Variants in RASEF observed in about 807,000 individuals in gnomAD.
RASEF encodes RAS and EF-hand domain containing, also known as ras and EF-hand domain-containing protein.
Under a neutral mutation model 90.1 loss-of-function variants are expected in RASEF, and 68 were observed. That is an observed-to-expected ratio of 0.75 (90% CI 0.62 to 0.92). The LOEUF is 0.92. Among genes scored for constraint, RASEF ranks in the 40% least tolerant of loss-of-function variants. The probability of loss-of-function intolerance (pLI) is 0.00; values close to 1 mark genes in which losing one functional copy is unlikely to be tolerated. For synonymous variants in RASEF, 331 were observed against 345.2 expected, an observed-to-expected ratio of 0.96 and a Z score of 0.46; for missense variants, 949 against 937.2, an observed-to-expected ratio of 1.01 and a Z score of -0.16.
intron 1 of RASEF, among the ~76,000 whole-genome samples, chr9:83,057,816 C>CATATTCATATATACAT (rs1306470689): frequency 2.1e-5 from 3 of 143,402 alleles, no homozygotes; most frequent in Non-Finnish European, 4.5e-5. Context: ...TCCATATATA[C>CATATTCATATATACAT]ATATTCATAT....
the RASEF span, among the ~76,000 whole-genome samples, chr9:83,098,192 A>G: frequency 6.6e-6 from 1 of 152,210 alleles, no homozygotes; most frequent in Non-Finnish European, 1.5e-5. Context: ...GAGACTTGAT[A>G]ATACTAGCCA....
chr9:83,026,740 C>T (rs895369159), intron 1 of RASEF, among the ~76,000 whole-genome samples: 3 of 152,156 alleles, frequency 2.0e-5, no homozygotes, highest in Non-Finnish European at 4.4e-5. Flanking sequence ...TATAAATTCA[C>T]ATTTTTATAT....
intron 4 of RASEF, among the ~76,000 whole-genome samples, chr9:83,015,165 C>A (rs947667144): frequency 6.6e-6 from 1 of 152,066 alleles, no homozygotes; most frequent in Non-Finnish European, 1.5e-5. Flanking sequence ...TTGCAATAAG[C>A]TAGGGGTAGG....
chr9:83,126,203 G>A, the RASEF span, among the ~76,000 whole-genome samples: 4 of 152,118 alleles, frequency 2.6e-5, no homozygotes, highest in Non-Finnish European at 5.9e-5. Context: ...GTACTAGGAG[G>A]TAGAGTTTTT....
At chr9:83,195,755 A>G in the RASEF span, among the ~76,000 whole-genome samples, 2 of 151,896 alleles carry the variant, frequency 1.3e-5, no homozygotes, top group African/African-American at 2.4e-5. Flanking sequence ...CAGAGGTGGT[A>G]AGGGCTGAAT....
the RASEF span, among the ~76,000 whole-genome samples, chr9:83,135,333 A>G: frequency 6.6e-6 from 1 of 151,806 alleles, no homozygotes; most frequent in African/African-American, 2.4e-5. Context: ...AACAGCACAC[A>G]CCGGGGCCTG....
the RASEF span, among the ~76,000 whole-genome samples, chr9:83,154,411 C>G: frequency 2.6e-5 from 4 of 152,290 alleles, 1 homozygote; most frequent in African/African-American, 9.6e-5. Flanking sequence ...AAAGTACCAT[C>G]CACAGTCCTT....
intron 1 of RASEF, among the ~76,000 whole-genome samples, chr9:83,056,062 A>G (rs1830096494): frequency 6.6e-6 from 1 of 152,240 alleles, no homozygotes; most frequent in Non-Finnish European, 1.5e-5. Context: ...AACTAGAGAA[A>G]GAATCAAAGA....
At chr9:83,190,352 T>C in the RASEF span, among the ~76,000 whole-genome samples, 2 of 152,206 alleles carry the variant, frequency 1.3e-5, no homozygotes, top group African/African-American at 4.8e-5. Flanking sequence ...TAAAATATAT[T>C]TGTAAATCAT....
the RASEF span, among the ~76,000 whole-genome samples, chr9:83,101,605 T>G: frequency 6.6e-6 from 1 of 152,192 alleles, no homozygotes; most frequent in African/African-American, 2.4e-5. Flanking sequence ...AATGATTCAA[T>G]GAATGGATAA....
At chr9:83,080,734 A>G in the RASEF span, among the ~76,000 whole-genome samples, 3 of 152,180 alleles carry the variant, frequency 2.0e-5, no homozygotes, top group African/African-American at 7.2e-5. Context: ...ACTATCCATA[A>G]GTACTGAAAT....
chr9:82,987,604 C>G (rs1176714162), intron 16 of RASEF, among the ~76,000 whole-genome samples: 1 of 146,840 alleles, frequency 6.8e-6, no homozygotes, highest in South Asian at 2.4e-4. Flanking sequence ...CCTCTCCCAT[C>G]TTTATGACAT....
chr9:83,101,767 T>C, the RASEF span, among the ~76,000 whole-genome samples: 1 of 152,318 alleles, frequency 6.6e-6, no homozygotes, highest in African/African-American at 2.4e-5. Flanking sequence ...TCTTGCTACA[T>C]TTTCATCTCT....
the RASEF span, among the ~76,000 whole-genome samples, chr9:83,090,869 T>G: frequency 4.0e-4 from 61 of 152,212 alleles, no homozygotes; most frequent in South Asian, 1.0e-3. Context: ...TCTGGAATAA[T>G]AATAATTATT....
the RASEF span, among the ~76,000 whole-genome samples, chr9:83,209,008 A>C: frequency 6.6e-6 from 1 of 152,206 alleles, no homozygotes; most frequent in Non-Finnish European, 1.5e-5. Flanking sequence ...TCTGTGCCTC[A>C]GGGACAAAGG....
At chr9:83,185,726 G>C in the RASEF span, among the ~76,000 whole-genome samples, 1 of 152,208 alleles carries the variant, frequency 6.6e-6, no homozygotes, top group South Asian at 2.1e-4. Context: ...GACTCTCTAA[G>C]GCAGGGAGAT....
intron 1 of RASEF, among the ~76,000 whole-genome samples, chr9:83,038,743 A>G (rs1680327006): frequency 6.6e-6 from 1 of 152,198 alleles, no homozygotes; most frequent in Non-Finnish European, 1.5e-5. Flanking sequence ...TAATAAAAAC[A>G]ATTTGTCAGA....
At chr9:83,126,869 G>A in the RASEF span, among the ~76,000 whole-genome samples, 90 of 151,996 alleles carry the variant, frequency 5.9e-4, no homozygotes, top group East Asian at 0.015. Flanking sequence ...AAGTTACTAG[G>A]GCTATTATGG....
chr9:83,081,209 C>A, the RASEF span, among the ~76,000 whole-genome samples: 2 of 152,138 alleles, frequency 1.3e-5, no homozygotes, highest in Non-Finnish European at 1.5e-5. Flanking sequence ...AGGGACTCTG[C>A]CTCCAAAGTC....
Sources: allele counts gnomAD v4.1 joint callset (sites outside exome capture counted in the v4.1 genomes callset), GRCh38; gene constraint gnomAD v4.1.1; transcripts MANE v1.5; gene names NCBI Gene and HGNC (gene_info 2026-07-23, HGNC 2026-07-21).